GPC5: variants seen among roughly 807,000 people sequenced by gnomAD.
GPC5 encodes the protein glypican 5, also known as glypican-5.
Under a neutral mutation model 53.9 loss-of-function variants are expected in GPC5, and 47 were observed. The ratio of observed to expected loss-of-function variants is 0.87; its 90% confidence interval spans 0.69 to 1.11. The LOEUF (loss-of-function observed/expected upper bound fraction) is 1.11, where lower values mean the gene tolerates loss of function less well. Ranked by LOEUF, GPC5 falls within the 50% of genes most tolerant of loss-of-function variation. The probability of loss-of-function intolerance (pLI) is 0.00; values close to 1 mark genes in which losing one functional copy is unlikely to be tolerated. For synonymous variants in GPC5, 286 were observed against 263.3 expected (o/e 1.09, Z -0.84); for missense variants, 748 against 713.1 (o/e 1.05, Z -0.56).
At chr13:92,225,778 T>G (rs539313594) in intron 7 of GPC5, among the ~76,000 whole-genome samples, 31 of 152,324 alleles carry the variant, frequency 2.0e-4, no homozygotes, top group African/African-American at 7.2e-4. Flanking sequence ...TATAAACTTT[T>G]TCAAAGGCCC....
chr13:91,753,195 G>T (rs142090369), intron 4 of GPC5, among the ~76,000 whole-genome samples: 12 of 152,244 alleles, frequency 7.9e-5, no homozygotes, highest in South Asian at 4.1e-4. Context: ...AAACAATAAG[G>T]CCTGATTAAT....
intron 7 of GPC5, among the ~76,000 whole-genome samples, chr13:92,160,746 A>G (rs1380005843): frequency 6.6e-6 from 1 of 152,182 alleles, no homozygotes; most frequent in East Asian, 1.9e-4. Flanking sequence ...GAACAGGGGA[A>G]AAGTTGAGGC....
chr13:92,570,851 A>C (rs763972852), intron 7 of GPC5, among the ~76,000 whole-genome samples: 2 of 152,186 alleles, frequency 1.3e-5, no homozygotes, highest in Non-Finnish European at 2.9e-5. Context: ...TCCTCACAAC[A>C]GCCACATAAA....
chr13:92,806,335 A>C (rs1282276527), intron 7 of GPC5, among the ~76,000 whole-genome samples: 1 of 152,072 alleles, frequency 6.6e-6, no homozygotes, highest in Non-Finnish European at 1.5e-5. Flanking sequence ...GGGTAGAGAG[A>C]ATGTCATAGC....
intron 7 of GPC5, among the ~76,000 whole-genome samples, chr13:92,416,474 G>T (rs1403764531): frequency 6.6e-6 from 1 of 152,190 alleles, no homozygotes; most frequent in Non-Finnish European, 1.5e-5. Flanking sequence ...AATGGAGATA[G>T]AATAGTCTTT....
At chr13:92,480,739 C>T (rs1235989150) in intron 7 of GPC5, among the ~76,000 whole-genome samples, 4 of 103,820 alleles carry the variant, frequency 3.9e-5, no homozygotes, top group African/African-American at 1.4e-4. Flanking sequence ...GAATTTGTTG[C>T]CTTACAGTCA....
intron 6 of GPC5, among the ~76,000 whole-genome samples, chr13:92,062,604 A>G (rs190757067): frequency 3.8e-4 from 58 of 152,176 alleles, no homozygotes; most frequent in South Asian, 8.3e-4. Flanking sequence ...CTGAACATTA[A>G]TTGAATATGC....
chr13:91,551,129 C>A (rs1284335665), intron 2 of GPC5, among the ~76,000 whole-genome samples: 1 of 151,342 alleles, frequency 6.6e-6, no homozygotes, highest in African/African-American at 2.4e-5. Context: ...CAGAGCATTT[C>A]ATGTGGTGCT....
chr13:92,479,140 C>G (rs557247151), intron 7 of GPC5, among the ~76,000 whole-genome samples: 12 of 152,004 alleles, frequency 7.9e-5, no homozygotes, highest in Non-Finnish European at 1.6e-4. Flanking sequence ...AATTGAAAGT[C>G]CTATTTATAG....
At chr13:92,117,080 A>G (rs1169761401) in intron 6 of GPC5, among the ~76,000 whole-genome samples, 3 of 152,174 alleles carry the variant, frequency 2.0e-5, no homozygotes, top group South Asian at 2.1e-4. Flanking sequence ...CTGTTTTTGC[A>G]TGTGAGAACA....
In GPC5 at chr13:92,739,049, C is replaced by T. The variant is rs535435477; in HGVS notation, c.1562-127233C>T. 6.6e-5 allele frequency among the ~76,000 whole-genome samples: 10 copies of T among 152,150 alleles called. No homozygotes were observed. The East Asian group carries it at 7.7e-4, about 12-fold the overall frequency. ...ATTTTTGCTGGCTATAATCAATTTTCGTGGCACTTGTTCTTAATAAATCGG... is the reference window on the plus strand; with the variant it reads ...ATTTTTGCTGGCTATAATCAATTTTTGTGGCACTTGTTCTTAATAAATCGG... On this transcript the variant is annotated intron_variant, in intron 7 of 7. Coordinates refer to ENST00000377067, the MANE Select transcript of GPC5 (RefSeq NM_004466.6).
chr13:91,683,034 TG>T (rs199678515), intron 2 of GPC5, among the ~76,000 whole-genome samples: 2 of 150,548 alleles, frequency 1.3e-5, no homozygotes, highest in South Asian at 4.2e-4. Context: ...GTTGCTTACA[TG>T]GGGAAAAAAA....
At chr13:92,584,488 G>A (rs137980376) in intron 7 of GPC5, among the ~76,000 whole-genome samples, 110 of 152,280 alleles carry the variant, frequency 7.2e-4, no homozygotes, top group Middle Eastern at 3.4e-3. Context: ...TTCAAGAGGT[G>A]ACTTGGGTGC....
chr13:92,418,161 T>C (rs1387850754), intron 7 of GPC5, among the ~76,000 whole-genome samples: 4 of 152,072 alleles, frequency 2.6e-5, no homozygotes, highest in African/African-American at 4.8e-5. Context: ...GGCTGGGATG[T>C]GGGAAAGATA....
intron 7 of GPC5, among the ~76,000 whole-genome samples, chr13:92,599,515 T>C (rs979018157): frequency 2.6e-5 from 4 of 152,076 alleles, no homozygotes; most frequent in Non-Finnish European, 4.4e-5. Context: ...ATACTAGAAG[T>C]TGATTCTGCA....
Position 91,620,086 on chromosome 13 carries a change from G to A in GPC5, c.326-73101G>A, listed in dbSNP as rs1202886867. ...ACTGGGTTTGTGCCTGGGTCAACAG[G>A]TGCTTAATAACGGCTTGATTTCTTC... is the stretch of plus-strand genomic sequence containing the variant. On this transcript the variant is annotated intron_variant, in intron 2 of 7. Transcript: ENST00000377067. Among the ~76,000 whole-genome samples, 7 of 152,168 alleles carry A rather than the reference G, an allele frequency of 4.6e-5. 1 individual carries two copies. Among genetic ancestry groups the A allele is most frequent in the East Asian group, 3.9e-4 (2 of 5,162 alleles).
intron 6 of GPC5, among the ~76,000 whole-genome samples, chr13:91,929,277 A>T (rs1258432019): frequency 6.6e-6 from 1 of 152,160 alleles, no homozygotes; most frequent in South Asian, 2.1e-4. Context: ...CTCACAGATT[A>T]TGCATATGTC....
rs185005430 is a variant in GPC5, at chr13:91,770,035, G to A, written c.1280+13615G>A. On this transcript the variant is annotated intron_variant, in intron 5 of 7. Coordinates refer to ENST00000377067, the MANE Select transcript of GPC5 (RefSeq NM_004466.6). ...TTATGCACAACTTCCATATGACTTG[G>A]CTACACATTGGAGATTCTCATGAGT... Among the ~76,000 whole-genome samples, 71 of 152,242 alleles carry A rather than the reference G, an allele frequency of 4.7e-4. 1 individual carries two copies. The South Asian group carries it at 0.014, about 31-fold the overall frequency.
At chr13:91,495,305 T>G (rs1028708673) in intron 2 of GPC5, among the ~76,000 whole-genome samples, 3 of 152,226 alleles carry the variant, frequency 2.0e-5, no homozygotes, top group African/African-American at 7.2e-5. Context: ...TTGCCTGGCC[T>G]CCCAGTTTCT....
Sources: allele counts gnomAD v4.1 joint callset (sites outside exome capture counted in the v4.1 genomes callset), GRCh38; gene constraint gnomAD v4.1.1; transcripts MANE v1.5; gene names NCBI Gene and HGNC (gene_info 2026-07-23, HGNC 2026-07-21).